CTIF: variants seen among roughly 807,000 people sequenced by gnomAD.
The protein encoded by CTIF is cap binding complex dependent translation initiation factor.
CTIF carries 21 observed loss-of-function variants against 66.0 expected under a neutral mutation model. That is an observed-to-expected ratio of 0.32 (90% confidence interval 0.23 to 0.46). CTIF has a LOEUF of 0.46. CTIF is among the 20% of genes least tolerant of loss of function. The probability of loss-of-function intolerance (pLI) is 1.00; values close to 1 mark genes in which losing one functional copy is unlikely to be tolerated. For synonymous variants in CTIF, 345 were observed against 326.4 expected (o/e 1.06, Z -0.62); for missense variants, 739 against 812.7 (o/e 0.91, Z 1.10).
chr18:48,694,627 A>G (rs2091979167), intron 6 of CTIF, among the ~76,000 whole-genome samples: 1 of 152,340 alleles, frequency 6.6e-6, no homozygotes, highest in East Asian at 1.9e-4. Context: ...GACAACCCAT[A>G]AAGACCTTTT....
At chr18:48,607,088 T>G (rs2090216036) in intron 1 of CTIF, among the ~76,000 whole-genome samples, 1 of 151,306 alleles carries the variant, frequency 6.6e-6, no homozygotes, top group Admixed American at 6.6e-5. Context: ...TTTGCTTTCC[T>G]GCTTTAGGAA....
chr18:48,838,605 A>G (rs897279017), intron 10 of CTIF, among the ~76,000 whole-genome samples: 1 of 152,162 alleles, frequency 6.6e-6, no homozygotes, highest in Non-Finnish European at 1.5e-5. Context: ...GGCTCAAAGT[A>G]TATGCATTAC....
chr18:48,840,603 C>T (rs1374248237), intron 10 of CTIF, among the ~76,000 whole-genome samples: 1 of 152,228 alleles, frequency 6.6e-6, no homozygotes, highest in Non-Finnish European at 1.5e-5. Flanking sequence ...ACACCCTGGG[C>T]AGCCCCAGGC....
chr18:48,767,913 CAAGATTTTCTGGCTTGGCTTTCCTTAT>C (rs1259951767), intron 9 of CTIF, among the ~76,000 whole-genome samples: 52 of 152,270 alleles, frequency 3.4e-4, no homozygotes, highest in African/African-American at 1.3e-3. Context: ...AAGGGGCACT[CAAGATTTTCTGGCTTGGCTTTCCTTAT>C]CAGTGAATCT....
chr18:48,639,498 C>T (rs2090887980), intron 3 of CTIF, among the ~76,000 whole-genome samples: 1 of 152,150 alleles, frequency 6.6e-6, no homozygotes, highest in African/African-American at 2.4e-5. Flanking sequence ...GGAGTTGCAC[C>T]TCCTGGATGG....
intron 6 of CTIF, among the ~76,000 whole-genome samples, chr18:48,677,282 C>T (rs753813618): frequency 3.3e-5 from 5 of 152,168 alleles, no homozygotes; most frequent in South Asian, 4.1e-4. Flanking sequence ...CGTGGTCCCA[C>T]GGAGGTGAGG....
At chr18:48,752,902 C>T (rs1473314749) in intron 7 of CTIF, among the ~76,000 whole-genome samples, 1 of 152,212 alleles carries the variant, frequency 6.6e-6, no homozygotes, top group Non-Finnish European at 1.5e-5. Flanking sequence ...AAAACCTCCC[C>T]TCCCTTATAC....
At chr18:48,639,465 C>G (rs2090887299) in intron 3 of CTIF, among the ~76,000 whole-genome samples, 1 of 152,092 alleles carries the variant, frequency 6.6e-6, no homozygotes, top group South Asian at 2.1e-4. Context: ...GAAACCTGGG[C>G]AGGTGCACAG....
At chr18:48,693,257 C>T (rs79356601) in intron 6 of CTIF, among the ~76,000 whole-genome samples, 1,567 of 152,298 alleles carry the variant, frequency 0.01, 27 homozygotes, top group African/African-American at 0.036. Flanking sequence ...GTTTTTGGCC[C>T]TTTCCCACCC....
intron 9 of CTIF, among the ~76,000 whole-genome samples, chr18:48,805,429 CG>C (rs1288169831): frequency 6.8e-6 from 1 of 147,100 alleles, no homozygotes; most frequent in Non-Finnish European, 1.5e-5. Flanking sequence ...GAAAGCCTGC[CG>C]GGGGGATTGC....
At chr18:48,603,827 G>C (rs182160479) in intron 1 of CTIF, among the ~76,000 whole-genome samples, 1 of 151,558 alleles carries the variant, frequency 6.6e-6, no homozygotes, top group African/African-American at 2.4e-5. Context: ...TCCAGATTCA[G>C]TGGGAGCCTA....
intron 7 of CTIF, among the ~76,000 whole-genome samples, chr18:48,746,600 A>G (rs928328074): frequency 6.6e-6 from 1 of 151,858 alleles, no homozygotes; most frequent in Non-Finnish European, 1.5e-5. Context: ...ATTGTCACCA[A>G]AGGTTTCAGG....
At chr18:48,651,420 A>G (rs775681864) in intron 3 of CTIF, among the ~76,000 whole-genome samples, 57 of 152,252 alleles carry the variant, frequency 3.7e-4, no homozygotes, top group Non-Finnish European at 7.2e-4. Flanking sequence ...AACGGTAAAG[A>G]GATCAATTCA....
At chr18:48,557,915 A>G (rs1248336017) in intron 1 of CTIF, among the ~76,000 whole-genome samples, 4 of 152,212 alleles carry the variant, frequency 2.6e-5, no homozygotes, top group Admixed American at 6.5e-5. Context: ...TTAGGACCAC[A>G]CTTACCCTTT....
chr18:48,862,055 T>A lies in CTIF; in HGVS notation c.*2496T>A, dbSNP rs1213019658. On this transcript the variant is annotated 3_prime_UTR_variant, in exon 12 of 12. Coordinates refer to ENST00000256413, the MANE Select transcript of CTIF (RefSeq NM_014772.3). ...ATGGAAGGAAAACGTTAAGACTATT[T>A]TTTTTTTAAAGAAACAACAGTCAAG... 6.6e-6 allele frequency: 1 copy of A among 151,512 alleles called. No homozygotes were observed. The highest frequency in any genetic ancestry group is 6.6e-5 in the Admixed American group (1 of 15,248). The allele number at this position is 151,512 out of a possible 1,614,324, so 9.4% of individuals were successfully genotyped here. A position where few individuals can be genotyped will look rare whatever the true frequency, so the allele number is the denominator to read the frequency against.
intron 9 of CTIF, among the ~76,000 whole-genome samples, chr18:48,784,065 C>A (rs541958585): frequency 1.3e-5 from 2 of 152,168 alleles, no homozygotes; most frequent in African/African-American, 4.8e-5. Context: ...TTCCAGGCAG[C>A]GAGATGGTGG....
At chr18:48,814,214 G>T (rs1469309811) in intron 9 of CTIF, among the ~76,000 whole-genome samples, 3 of 152,278 alleles carry the variant, frequency 2.0e-5, no homozygotes, top group Non-Finnish European at 4.4e-5. Context: ...GACAAGCTGG[G>T]GGTTGATAGA....
Position 48,664,451 on chromosome 18 carries a change from G to A in CTIF, c.331G>A (p.Ala111Thr), listed in dbSNP as rs1309609513. The A allele has an allele frequency of 6.2e-7, 1 of 1,613,382 alleles. No individual in the cohort carries two copies. Among genetic ancestry groups the A allele is most frequent in the African/African-American group, 1.3e-5 (1 of 75,036 alleles). ...TCACCCTCCCTCGCCCTCTAGTGGT[G>A]CCACCTGGGACCTGCAGCCGGAAAA... is the stretch of plus-strand genomic sequence containing the variant. ...AANTFDSFSG[A>T]TWDLQPEKLD... Residue 111 changes from alanine to threonine, a missense_variant, in exon 5 of 12, where the codon GCC (alanine) becomes ACC (threonine). Coordinates refer to ENST00000256413, the MANE Select transcript of CTIF (RefSeq NM_014772.3).
intron 7 of CTIF, among the ~76,000 whole-genome samples, chr18:48,740,247 C>T (rs1244342337): frequency 5.3e-5 from 8 of 152,332 alleles, no homozygotes; most frequent in East Asian, 3.9e-4. Context: ...GTGACCCAGC[C>T]GTAGCCCTGC....
Sources: gnomAD v4.1 joint callset for allele counts (sites outside exome capture counted in the v4.1 genomes callset) on GRCh38, gnomAD v4.1.1 for gene constraint, MANE v1.5 for transcripts, NCBI Gene and HGNC (gene_info 2026-07-23, HGNC 2026-07-21) for gene names.